The following ALMS1 variants were observed in gnomAD, a reference collection of about 807,000 sequenced individuals.
ALMS1 encodes centrosome-associated protein ALMS1.
ALMS1 carries 271 observed loss-of-function variants against 352.2 expected under a neutral mutation model. That is an observed-to-expected ratio of 0.77 (90% CI 0.70 to 0.85). The LOEUF is 0.85. ALMS1 is among the 40% of genes least tolerant of loss of function. The pLI is 0.00. For synonymous variants in ALMS1, 1,865 were observed against 1,761.2 expected, an observed-to-expected ratio of 1.06 and a Z score of -1.48; for missense variants, 5,445 against 4,870.7, an observed-to-expected ratio of 1.12 and a Z score of -3.51.
intron 11 of ALMS1, among the ~76,000 whole-genome samples, chr2:73,524,808 T>C (rs1488763389): frequency 6.6e-6 from 1 of 152,236 alleles, no homozygotes; most frequent in Non-Finnish European, 1.5e-5. Flanking sequence ...CCTGTTGTGC[T>C]ATCAAATACT....
In ALMS1 at chr2:73,491,426, G is replaced by T; in HGVS notation, c.9467G>T (p.Arg3156Met). The T allele has an allele frequency of 6.2e-7, 1 of 1,614,086 alleles. No homozygotes were observed. ...PSQNSQIVTS[R>M]QIQVNISDFE... The stretch of plus-strand genomic sequence containing the variant: ...CAGAATAGCCAGATAGTAACCTCCA[G>T]GCAAATACAAGTGAACATTTCAGAT... Residue 3156 changes from arginine to methionine, a missense_variant, in exon 10 of 23, where the codon AGG becomes ATG. Physicochemically the swap from Arg to Met is moderately conservative, Grantham distance 91. Coordinates refer to ENST00000613296, the MANE Select transcript of ALMS1 (RefSeq NM_001378454.1).
At chr2:73,487,691 G>A (rs1020390278) in intron 9 of ALMS1, among the ~76,000 whole-genome samples, 1 of 152,202 alleles carries the variant, frequency 6.6e-6, no homozygotes, top group Non-Finnish European at 1.5e-5. Flanking sequence ...CATGAAGAAT[G>A]AGGTATGTGG....
At chr2:73,411,115 T>A (rs979300993) in intron 2 of ALMS1, among the ~76,000 whole-genome samples, 3 of 152,038 alleles carry the variant, frequency 2.0e-5, no homozygotes, top group Admixed American at 6.6e-5. Context: ...GCAGGTGTAA[T>A]TATTTAAGCT....
chr2:73,594,820 C>T (rs1573048543), intron 16 of ALMS1, among the ~76,000 whole-genome samples: 1 of 152,196 alleles, frequency 6.6e-6, no homozygotes, highest in Non-Finnish European at 1.5e-5. Context: ...CTCCATGAAC[C>T]GTTCCACATG....
intron 1 of ALMS1, among the ~76,000 whole-genome samples, chr2:73,399,936 GTTTTT>G (rs1382540969): frequency 8.4e-6 from 1 of 119,142 alleles, no homozygotes; most frequent in Non-Finnish European, 1.8e-5. Context: ...TATATTAATT[GTTTTT>G]TTTTTTTTTT....
chr2:73,569,348 A>G lies in ALMS1; in HGVS notation c.10385-2914A>G, dbSNP rs573254731. ...GCTTATTTTCTACTATCCTTTCTGT[A>G]TTTTACTTCATTCCCAGGCTGGGAG... On this transcript the variant is annotated intron_variant, in intron 15 of 22. Transcript: ENST00000613296. Among the ~76,000 whole-genome samples, 3 of 151,630 alleles carry G rather than the reference A, an allele frequency of 2.0e-5. No individual in the cohort carries two copies. In the South Asian group the frequency reaches 6.3e-4, roughly 32 times the overall value.
intron 15 of ALMS1, among the ~76,000 whole-genome samples, chr2:73,564,235 G>A (rs1213046011): frequency 6.6e-6 from 1 of 151,994 alleles, no homozygotes; most frequent in Non-Finnish European, 1.5e-5. Context: ...GGAAGCTAGG[G>A]TGGGTGGATC....
intron 9 of ALMS1, among the ~76,000 whole-genome samples, chr2:73,474,401 G>GTC (rs1553407461): frequency 0.012 from 579 of 49,076 alleles, 4 homozygotes; most frequent in South Asian, 0.027. Context: ...GTGTGTGTGT[G>GTC]TGTGTGTGTC....
Position 73,462,637 on chromosome 2 carries a change from C to T in ALMS1, c.7674+7342C>T, listed in dbSNP as rs191061466. ...ACTTTAAATGTAAATGGACTAAATG[C>T]TCCAATTAAAAGGCAAAGACTGGCA... On this transcript the variant is annotated intron_variant, in intron 9 of 22. Coordinates refer to ENST00000613296, the MANE Select transcript of ALMS1 (RefSeq NM_001378454.1). 1.0e-3 allele frequency among the ~76,000 whole-genome samples: 152 copies of T among 152,282 alleles called. 1 individual carries two copies. In the East Asian group the frequency reaches 0.015, roughly 15 times the overall value.
At chr2:73,568,382 A>G (rs941829117) in intron 15 of ALMS1, among the ~76,000 whole-genome samples, 4 of 152,224 alleles carry the variant, frequency 2.6e-5, no homozygotes, top group Non-Finnish European at 5.9e-5. Context: ...AGATACACAG[A>G]TAAAGTTGTA....
chr2:73,603,133 A>C (rs1675735997), intron 20 of ALMS1, 108 bp from the exon 21 acceptor site: 5 of 1,013,710 alleles, frequency 4.9e-6, no homozygotes. Context: ...CAGTCTTGCC[A>C]GCTCAGGGTA....
At chr2:73,563,493 C>T (rs897155872) in intron 15 of ALMS1, among the ~76,000 whole-genome samples, 2 of 151,874 alleles carry the variant, frequency 1.3e-5, no homozygotes, top group African/African-American at 4.8e-5. Context: ...GAGGCTGAGG[C>T]GGGCGGATTA....
intron 16 of ALMS1, among the ~76,000 whole-genome samples, chr2:73,586,648 AC>A (rs1197720166): frequency 2.0e-5 from 3 of 151,904 alleles, no homozygotes; most frequent in African/African-American, 7.3e-5. Context: ...TGTTAACTAT[AC>A]CCTTGTAGTA....
At chr2:73,465,211 G>A (rs1672305143) in intron 9 of ALMS1, among the ~76,000 whole-genome samples, 3 of 152,182 alleles carry the variant, frequency 2.0e-5, no homozygotes, top group Middle Eastern at 3.4e-3. Flanking sequence ...CAAAGCTGGA[G>A]GCATCACACT....
At chr2:73,404,425 TTTA>T (rs1397482084) in intron 1 of ALMS1, among the ~76,000 whole-genome samples, 3 of 152,090 alleles carry the variant, frequency 2.0e-5, no homozygotes, top group African/African-American at 7.2e-5. Context: ...ACATACAGCT[TTTA>T]TTATGTTGAG....
chr2:73,492,905 T>C, intron 10 of ALMS1, among the ~76,000 whole-genome samples: 1 of 151,876 alleles, frequency 6.6e-6, no homozygotes, highest in African/African-American at 2.4e-5. Flanking sequence ...GCCTGGCTAA[T>C]TTTTGTATTT....
intron 10 of ALMS1, among the ~76,000 whole-genome samples, chr2:73,516,781 T>G (rs1352081969): frequency 6.6e-6 from 1 of 152,262 alleles, no homozygotes; most frequent in Non-Finnish European, 1.5e-5. Context: ...TTTTTCTGAC[T>G]CAGCCCCTTT....
At chr2:73,561,016 A>C (rs373377383) in intron 15 of ALMS1, among the ~76,000 whole-genome samples, 1 of 152,260 alleles carries the variant, frequency 6.6e-6, no homozygotes, top group East Asian at 1.9e-4. Context: ...AGCTTGAAGC[A>C]AGCTTACAGT....
At chr2:73,554,112 T>C (rs1463799481) in intron 13 of ALMS1, among the ~76,000 whole-genome samples, 1 of 152,112 alleles carries the variant, frequency 6.6e-6, no homozygotes, top group Non-Finnish European at 1.5e-5. Flanking sequence ...ATTGTTATTT[T>C]TATTAAATCA....
Sources: gnomAD v4.1 joint callset for allele counts (sites outside exome capture counted in the v4.1 genomes callset) on GRCh38, gnomAD v4.1.1 for gene constraint, MANE v1.5 for transcripts, NCBI Gene and HGNC (gene_info 2026-07-23, HGNC 2026-07-21) for gene names.